Variants in TRHDE observed in about 807,000 individuals in gnomAD.
TRHDE encodes thyrotropin-releasing hormone-degrading ectoenzyme.
Under a neutral mutation model 125.7 loss-of-function variants are expected in TRHDE, and 72 were observed. The ratio of observed to expected loss-of-function variants is 0.57; its 90% CI spans 0.47 to 0.70. The LOEUF is 0.70. Ranked by LOEUF, TRHDE falls within the 30% of genes least tolerant of loss-of-function variation. The probability of loss-of-function intolerance (pLI) is 0.00; values close to 1 mark genes in which losing one functional copy is unlikely to be tolerated. For synonymous variants in TRHDE, 509 were observed against 509.1 expected (o/e 1.00, Z 0.00); for missense variants, 1,110 against 1,327.1 (o/e 0.84, Z 2.54).
At chr12:72,237,846 G>A (rs1878367137) in intron 2 of TRHDE, among the ~76,000 whole-genome samples, 1 of 152,102 alleles carries the variant, frequency 6.6e-6, no homozygotes, top group Admixed American at 6.6e-5. Flanking sequence ...CCAGGATCTA[G>A]GGACACCATA....
intron 1 of TRHDE, among the ~76,000 whole-genome samples, chr12:72,095,194 T>C (rs1172729215): frequency 6.6e-6 from 1 of 152,222 alleles, no homozygotes; most frequent in East Asian, 1.9e-4. Flanking sequence ...GGGCTGTCTC[T>C]AGCAGTGCAG....
intron 2 of TRHDE, among the ~76,000 whole-genome samples, chr12:72,115,360 G>A (rs1216852432): frequency 1.3e-5 from 2 of 151,892 alleles, no homozygotes; most frequent in African/African-American, 2.4e-5. Flanking sequence ...CGTCCATGTT[G>A]TTGCAAATAA....
chr12:72,457,905 A>G (rs1293626601), intron 3 of TRHDE, among the ~76,000 whole-genome samples: 3 of 152,036 alleles, frequency 2.0e-5, no homozygotes, highest in Non-Finnish European at 4.4e-5. Flanking sequence ...TTGTTTTCAT[A>G]CTCCCTTCTA....
At chr12:72,493,709 T>C (rs1877784043) in intron 5 of TRHDE, among the ~76,000 whole-genome samples, 1 of 152,008 alleles carries the variant, frequency 6.6e-6, no homozygotes, top group African/African-American at 2.4e-5. Flanking sequence ...TTATACTCTC[T>C]GCCTTTAGCC....
At chr12:72,315,037 A>G (rs4394876) in intron 2 of TRHDE, among the ~76,000 whole-genome samples, 46,399 of 151,892 alleles carry the variant, frequency 0.31, 7,270 homozygotes, top group African/African-American at 0.38. Flanking sequence ...GTTTAGGCAG[A>G]TATATCTGTA....
intron 5 of TRHDE, among the ~76,000 whole-genome samples, chr12:72,494,532 T>G (rs932504710): frequency 1.3e-5 from 2 of 152,044 alleles, no homozygotes; most frequent in African/African-American, 4.8e-5. Context: ...GTATCTGCCT[T>G]GTATTGCTCT....
At chr12:72,258,063 C>G (rs1158184546) in intron 2 of TRHDE, 2 of 152,086 alleles carry the variant, frequency 1.3e-5, no homozygotes, top group Non-Finnish European at 2.9e-5. Flanking sequence ...ACTCTTTTCT[C>G]TTGTCTCACC....
At chr12:72,305,463 A>G (rs1367619773) in intron 2 of TRHDE, among the ~76,000 whole-genome samples, 3 of 152,212 alleles carry the variant, frequency 2.0e-5, no homozygotes. Context: ...CTTCGGGGCA[A>G]GTCAAATAAT....
chr12:72,643,341 T>C (rs1874146328), intron 15 of TRHDE, among the ~76,000 whole-genome samples: 1 of 152,224 alleles, frequency 6.6e-6, no homozygotes, highest in Admixed American at 6.5e-5. Flanking sequence ...TTCATTTTCA[T>C]AGTAATGACA....
At chr12:72,117,892 A>T in intron 2 of TRHDE, among the ~76,000 whole-genome samples, 1 of 151,634 alleles carries the variant, frequency 6.6e-6, no homozygotes, top group Non-Finnish European at 1.5e-5. Context: ...TGGAATATAG[A>T]AATGCTGCTG....
chr12:72,137,044 T>C (rs1165849533), intron 2 of TRHDE, among the ~76,000 whole-genome samples: 1 of 152,126 alleles, frequency 6.6e-6, no homozygotes, highest in Non-Finnish European at 1.5e-5. Flanking sequence ...CAGAACAGAT[T>C]TTCCATTTCC....
At position 72,301,748 on chromosome 12, in the gene TRHDE, G is replaced by A. The variant is rs1232106397; in HGVS notation, c.1188+14794G>A. Among the ~76,000 whole-genome samples, 3 of 152,150 alleles carry A rather than the reference G, an allele frequency of 2.0e-5. No homozygotes were observed. In the East Asian group the frequency reaches 5.8e-4, roughly 29 times the overall value. ...CAAAGTGCTTGACACATAGGAGTGT[G>A]CAAAGCTTGGCAGCTACACAGGTAA... On this transcript the variant is annotated intron_variant, in intron 2 of 18. Coordinates refer to ENST00000261180, the MANE Select transcript of TRHDE (RefSeq NM_013381.3).
intron 2 of TRHDE, among the ~76,000 whole-genome samples, chr12:72,314,864 T>C (rs897539901): frequency 6.6e-6 from 1 of 152,234 alleles, no homozygotes; most frequent in African/African-American, 2.4e-5. Context: ...GAAATGTGGT[T>C]ACACTTACAA....
At chr12:72,350,852 A>G (rs373047242) in intron 2 of TRHDE, among the ~76,000 whole-genome samples, 4 of 152,032 alleles carry the variant, frequency 2.6e-5, no homozygotes, top group African/African-American at 9.7e-5. Flanking sequence ...GGAGAAAAAC[A>G]TTCATTTAAA....
At position 72,326,455 on chromosome 12, in the gene TRHDE, G is replaced by C. The variant is rs183063304; in HGVS notation, c.1188+39501G>C. Among the ~76,000 whole-genome samples the C allele has an allele frequency of 2.9e-3, 440 of 152,136 alleles. 2 individuals are homozygous for C. Among genetic ancestry groups the C allele is most frequent in the African/African-American group, 0.01 (417 of 41,510 alleles). ...AGGACAAATACCTAATGCATGCAGG[G>C]CTTAAAACCTAGATGACGGGTTGAT... On this transcript the variant is annotated intron_variant, in intron 2 of 18. Coordinates refer to ENST00000261180, the MANE Select transcript of TRHDE (RefSeq NM_013381.3).
At chr12:72,484,874 A>T (rs1877330722) in intron 5 of TRHDE, among the ~76,000 whole-genome samples, 1 of 152,188 alleles carries the variant, frequency 6.6e-6, no homozygotes, top group African/African-American at 2.4e-5. Context: ...TTTGACCAAA[A>T]TAACTAAAAG....
chr12:72,210,888 C>T (rs1266190935), intron 2 of TRHDE, among the ~76,000 whole-genome samples: 3 of 152,116 alleles, frequency 2.0e-5, no homozygotes, highest in Non-Finnish European at 4.4e-5. Context: ...CTGATTCATA[C>T]ACATAGTGCC....
chr12:72,559,037 G>T (rs1011519758), intron 7 of TRHDE, among the ~76,000 whole-genome samples: 1 of 152,150 alleles, frequency 6.6e-6, no homozygotes. Flanking sequence ...CTAATGTGTT[G>T]TGTGGATTGA....
At chr12:72,157,119 T>C (rs1876531510) in intron 2 of TRHDE, among the ~76,000 whole-genome samples, 1 of 151,316 alleles carries the variant, frequency 6.6e-6, no homozygotes, top group South Asian at 2.1e-4. Context: ...GATTTTTTCT[T>C]TTTCTTTTTT....
Sources: gnomAD v4.1 joint callset for allele counts (sites outside exome capture counted in the v4.1 genomes callset) on GRCh38, gnomAD v4.1.1 for gene constraint, MANE v1.5 for transcripts, NCBI Gene and HGNC (gene_info 2026-07-23, HGNC 2026-07-21) for gene names.